The following CLCN2 variants were observed in gnomAD, a reference collection of about 807,000 sequenced individuals.
The protein encoded by CLCN2 is chloride voltage-gated channel 2, also known as chloride channel protein 2.
CLCN2 carries 72 observed loss-of-function variants against 108.3 expected under a neutral mutation model. That is an observed-to-expected ratio of 0.66 (90% confidence interval 0.55 to 0.81). CLCN2 has a LOEUF of 0.81. Among genes scored for constraint, CLCN2 ranks in the 30% least tolerant of loss-of-function variants. The pLI is 0.00. For synonymous variants in CLCN2, 471 were observed against 467.1 expected, an observed-to-expected ratio of 1.01 and a Z score of -0.11; for missense variants, 1,048 against 1,205.2, an observed-to-expected ratio of 0.87 and a Z score of 1.93.
chr3:184,355,675 C>T lies in CLCN2; in HGVS notation c.1170+19G>A, dbSNP rs1041438085. The stretch of plus-strand genomic sequence containing the variant: ...CCTTCCAAGGGAAAGCACAAAACTC[C>T]TGTTCTGCCTGTGGTTACCTGTCCA... On this transcript the variant is annotated intron_variant, in intron 11 of 23. Transcript: ENST00000265593. This position sits in a 1 kb window ranked among gnomAD's most constrained non-coding sequence, Gnocchi z 6.3. 1 of 1,613,512 alleles carries T rather than the reference C, an allele frequency of 6.2e-7. No homozygotes were observed. The highest frequency in any genetic ancestry group is 1.3e-5 in the African/African-American group (1 of 74,922).
intron 20 of CLCN2, 28 bp from the exon 21 acceptor site, chr3:184,352,359 C>T (rs1377625292): frequency 1.9e-6 from 3 of 1,613,778 alleles, no homozygotes; most frequent in East Asian, 2.2e-5. Flanking sequence ...AGGCTGGCAG[C>T]TAGGGGCTCT....
chr3:184,353,967 CT>C, intron 15 of CLCN2, 133 bp downstream of exon 15: 1 of 1,358,290 alleles, frequency 7.4e-7, no homozygotes, highest in Non-Finnish European at 1.0e-6. Flanking sequence ...GCTACAGCCC[CT>C]CCAGAGTGTG....
At chr3:184,352,983 A>G (rs749734160) in intron 18 of CLCN2, 50 bp downstream of exon 18, 3 of 1,574,076 alleles carry the variant, frequency 1.9e-6, no homozygotes, top group Middle Eastern at 1.7e-4. Context: ...ACTCTAATGG[A>G]TCTCAGTAGC....
chr3:184,348,481 TGTC>T (rs1174105869), intron 22 of CLCN2: 1 of 125,574 alleles, frequency 8.0e-6, no homozygotes, highest in Non-Finnish European at 1.7e-5. Flanking sequence ...AGTGAGACGC[TGTC>T]GTCTCAAAAA....
In CLCN2 at chr3:184,354,652, G is replaced by A. The variant is rs1560259993; in HGVS notation, c.1403C>T (p.Ala468Val). ...AFMPVFVIGA[A>V]FGRLVGESMA... ...GCTTTCACCCACCAGACGCCCAAAT[G>A]CTGCTCCTTCAGGGAGGGGGGTGGG... is the stretch of plus-strand genomic sequence containing the variant. The change falls in exon 14 of 24, where the codon GCA becomes GTA. Residue 468 changes from alanine to valine, a missense_variant. Physicochemically the swap from Ala to Val is moderately conservative, Grantham distance 64. Transcript: ENST00000265593. The A allele has an allele frequency of 4.7e-6, 6 of 1,285,338 alleles. No individual in the cohort carries two copies. Among genetic ancestry groups the A allele is most frequent in the Non-Finnish European group, 6.4e-6 (6 of 940,798 alleles). 79.6% of individuals were successfully genotyped at this position (1,285,338 alleles called of 1,614,324 possible).
At chr3:184,347,156 G>T in intron 22 of CLCN2, 135 bp from the exon 23 acceptor site, 1 of 756,406 alleles carries the variant, frequency 1.3e-6, no homozygotes, top group Non-Finnish European at 2.4e-6. Context: ...AGACAGGACT[G>T]CTGGAGGGAA....
At chr3:184,358,380 G>A (rs1711558997) in intron 3 of CLCN2, 70 bp from the exon 4 acceptor site, 20 of 1,602,764 alleles carry the variant, frequency 1.2e-5, no homozygotes, top group Non-Finnish European at 1.7e-5. Context: ...GGACCACGCT[G>A]ATACGACAGG....
intron 22 of CLCN2, 57 bp downstream of exon 22, chr3:184,351,956 G>A (rs1358495888): frequency 7.8e-7 from 1 of 1,284,214 alleles, no homozygotes. Context: ...GGGGGACCAA[G>A]ATCCCCACTG....
intron 22 of CLCN2, among the ~76,000 whole-genome samples, chr3:184,351,124 C>T (rs934674709): frequency 1.2e-4 from 19 of 152,118 alleles, no homozygotes; most frequent in South Asian, 2.1e-4. Context: ...CCTCAGTCTC[C>T]GCTTGTCCAT....
rs758326249 is a variant in CLCN2, at chr3:184,361,413, T to C, written c.63+4A>G. The stretch of plus-strand genomic sequence containing the variant: ...CTCCTGGGGCTCAGCTCAGCTTCAC[T>C]TACCAGGGTCTGCTCGTACTGCAGC... On this transcript the variant is annotated splice_donor_region_variant and intron_variant, in intron 1 of 23. Transcript: ENST00000265593. This position sits in a 1 kb window ranked among gnomAD's most constrained non-coding sequence, Gnocchi z 6.6. 2.0e-5 allele frequency: 33 copies of C among 1,613,532 alleles called. No individual in the cohort carries two copies. The highest frequency in any genetic ancestry group is 1.6e-4 in the Middle Eastern group (1 of 6,084).
rs1221283544 is a variant in CLCN2 at position 184,361,283 on chromosome 3, T to G, written c.63+134A>C. On this transcript the variant is annotated intron_variant, in intron 1 of 23. Transcript: ENST00000265593. The surrounding 1 kb of genome is among the most constrained non-coding windows in gnomAD (Gnocchi z 6.6). ...TCCCTTCGGCCCTGCAGCCTCAGAC[T>G]TCCAAGCCTCAGTTTCCCCAGCTCA... The G allele has an allele frequency of 3.0e-6, 3 of 998,230 alleles. No homozygotes were observed. The East Asian group carries it at 7.3e-5, about 24-fold the overall frequency. 61.8% of individuals were successfully genotyped at this position (998,230 alleles called of 1,614,324 possible).
intron 21 of CLCN2, 29 bp from the exon 22 acceptor site, chr3:184,352,146 G>C (rs1419878552): frequency 1.2e-6 from 2 of 1,601,960 alleles, no homozygotes; most frequent in South Asian, 2.2e-5. Context: ...GAGGTTTAGG[G>C]AGAAGGTGCC....
intron 22 of CLCN2, among the ~76,000 whole-genome samples, chr3:184,349,916 C>T (rs1198183927): frequency 1.3e-5 from 2 of 152,194 alleles, no homozygotes; most frequent in Non-Finnish European, 2.9e-5. Flanking sequence ...TATTAGCCGG[C>T]ACAGCGATCT....
chr3:184,353,940 C>G (rs1728331450), intron 15 of CLCN2, 145 bp from the exon 16 acceptor site: 9 of 1,425,504 alleles, frequency 6.3e-6, no homozygotes, highest in Middle Eastern at 2.0e-4. Context: ...ACCCTTCTTT[C>G]TGAACAGCAG....
intron 14 of CLCN2, 100 bp from the exon 15 acceptor site, chr3:184,354,414 A>C: frequency 7.5e-7 from 1 of 1,331,968 alleles, no homozygotes; most frequent in Non-Finnish European, 1.1e-6. Context: ...GCTGCCCAAT[A>C]CAGTCCTGGG....
intron 14 of CLCN2, 64 bp downstream of exon 14, chr3:184,354,484 G>A (rs371699779): frequency 2.9e-5 from 42 of 1,425,264 alleles, no homozygotes; most frequent in Admixed American, 2.9e-4. Context: ...CCAGAGTCTC[G>A]GACCCTGTGG....
chr3:184,350,294 C>G (rs560060695), intron 22 of CLCN2, among the ~76,000 whole-genome samples: 2 of 152,246 alleles, frequency 1.3e-5, no homozygotes, highest in South Asian at 2.1e-4. Flanking sequence ...GCCAGGAAAT[C>G]TGGGCTCTGG....
intron 21 of CLCN2, 24 bp downstream of exon 21, chr3:184,352,269 G>A (rs1274357285): frequency 5.0e-6 from 8 of 1,613,090 alleles, no homozygotes; most frequent in Admixed American, 1.7e-5. Flanking sequence ...AAGAAACAGG[G>A]TCCAGAGTCC....
rs752123927 is a variant in CLCN2 at position 184,357,625 on chromosome 3, A to G, written c.767T>C (p.Ile256Thr). Residue 256 changes from isoleucine to threonine, a missense_variant, in exon 7 of 24, where the codon ATT (isoleucine) becomes ACT (threonine). Transcript: ENST00000265593. Reference protein sequence around the residue: ...VGVGCCFAAPIGGVLFSIEVT... With the variant: ...VGVGCCFAAPTGGVLFSIEVT... ...GACCTAGGAGCCCTGCCTACCTCCA[A>G]TAGGTGCCGCGAAGCAGCAGCCCAC... 3.1e-6 allele frequency: 5 copies of G among 1,613,862 alleles called. No homozygotes were observed. In the African/African-American group the frequency reaches 5.3e-5, roughly 17 times the overall value.
Sources: gnomAD v4.1 joint callset for allele counts (sites outside exome capture counted in the v4.1 genomes callset) on GRCh38, gnomAD v4.1.1 for gene constraint, Gnocchi (gnomAD v3.1) non-coding constraint, MANE v1.5 for transcripts, NCBI Gene and HGNC (gene_info 2026-07-23, HGNC 2026-07-21) for gene names.